Variants in TMCO1 observed in about 807,000 individuals in gnomAD.
The protein encoded by TMCO1 is calcium load-activated calcium channel.
In TMCO1, 29 loss-of-function variants were observed where a neutral mutation model predicts 29.3. That is an observed-to-expected ratio of 0.99 (90% CI 0.74 to 1.35). The LOEUF (loss-of-function observed/expected upper bound fraction) is 1.35. TMCO1 is among the 40% of genes most tolerant of loss of function. The pLI is 0.00. For missense variants in TMCO1, 173 were observed against 225.5 expected (o/e 0.77, Z 1.49); for synonymous variants, 80 against 77.1 (o/e 1.04, Z -0.20).
At chr1:165,742,190 G>A (rs777583944) in intron 6 of TMCO1, among the ~76,000 whole-genome samples, 41 of 152,036 alleles carry the variant, frequency 2.7e-4, no homozygotes, top group Non-Finnish European at 5.6e-4. Context: ...CCTGCCGAAC[G>A]GCAATATGTT....
intron 6 of TMCO1, among the ~76,000 whole-genome samples, chr1:165,731,587 AAAG>A (rs1294891889): frequency 2.0e-5 from 3 of 152,238 alleles, no homozygotes; most frequent in Non-Finnish European, 2.9e-5. Context: ...ACCGTGATTT[AAAG>A]AAGATGATTG....
chr1:165,749,916 T>C (rs1237834858), intron 5 of TMCO1, among the ~76,000 whole-genome samples: 1 of 151,944 alleles, frequency 6.6e-6, no homozygotes, highest in East Asian at 1.9e-4. Flanking sequence ...TGGAAAAACA[T>C]AGTAAGTATA....
chr1:165,724,630 C>A (rs970592367), downstream of TMCO1: 3 of 453,894 alleles, frequency 6.6e-6, no homozygotes, highest in African/African-American at 6.0e-5. Context: ...TCTAGTGATT[C>A]TGATACACTC....
intron 1 of TMCO1, 27 bp from the exon 2 acceptor site, chr1:165,768,296 T>C (rs2101820824): frequency 1.3e-6 from 2 of 1,595,014 alleles, no homozygotes; most frequent in Non-Finnish European, 8.6e-7. Flanking sequence ...AACATGTTAA[T>C]AGAGAAATGA....
intron 2 of TMCO1, among the ~76,000 whole-genome samples, chr1:165,766,712 C>T (rs1415733914): frequency 1.3e-5 from 2 of 151,776 alleles, no homozygotes; most frequent in African/African-American, 2.4e-5. Flanking sequence ...CCTGGGAGGT[C>T]CAGGCTGCAA....
At chr1:165,725,018 CTCTCTCTA>C (rs745486169), downstream of TMCO1, 4,069 of 137,332 alleles carry the variant, frequency 0.03, 35 homozygotes, top group African/African-American at 0.06. Flanking sequence ...CTCTCTCTCT[CTCTCTCTA>C]TATATATATA....
intron 5 of TMCO1, among the ~76,000 whole-genome samples, chr1:165,747,260 T>A (rs2101802251): frequency 1.0e-5 from 1 of 96,712 alleles, no homozygotes. Flanking sequence ...AGTGTGAGGC[T>A]CTGTCTCAAA....
chr1:165,725,994 G>T (rs1353688717), downstream of TMCO1: 1 of 683,710 alleles, frequency 1.5e-6, no homozygotes, highest in African/African-American at 1.8e-5. Flanking sequence ...TGGTCCATAA[G>T]AAGTCTGATT....
intron 6 of TMCO1, among the ~76,000 whole-genome samples, chr1:165,735,330 T>C (rs764545865): frequency 3.3e-5 from 5 of 152,144 alleles, no homozygotes; most frequent in Non-Finnish European, 2.9e-5. Context: ...ATAACCCCAG[T>C]TGGCACTGTG....
intron 6 of TMCO1, among the ~76,000 whole-genome samples, chr1:165,730,112 G>A (rs1374995426): frequency 3.4e-5 from 5 of 147,528 alleles, no homozygotes; most frequent in African/African-American, 1.3e-4. Context: ...ACGAGGTCAG[G>A]AGATCGAGAT....
chr1:165,749,725 C>T (rs918196694), intron 5 of TMCO1, among the ~76,000 whole-genome samples: 6 of 151,748 alleles, frequency 4.0e-5, no homozygotes, highest in South Asian at 2.1e-4. Context: ...TCTGATATGA[C>T]GAATGGCATT....
chr1:165,725,414 C>T (rs1161022524), downstream of TMCO1: 1 of 454,042 alleles, frequency 2.2e-6, no homozygotes, highest in Admixed American at 2.3e-5. Flanking sequence ...CATTTGCTTT[C>T]CAATTTCCAA....
chr1:165,725,392 A>C, downstream of TMCO1: 1 of 453,518 alleles, frequency 2.2e-6, no homozygotes, highest in South Asian at 1.6e-5. Context: ...AGGACATATG[A>C]ATATCTACAC....
intron 2 of TMCO1, among the ~76,000 whole-genome samples, chr1:165,762,898 A>G (rs1242607020): frequency 1.3e-5 from 2 of 152,224 alleles, no homozygotes; most frequent in Non-Finnish European, 2.9e-5. Context: ...CATTTATTGA[A>G]GTATCCTTTC....
chr1:165,738,206 T>C (rs1651460323), intron 6 of TMCO1, among the ~76,000 whole-genome samples: 1 of 152,158 alleles, frequency 6.6e-6, no homozygotes, highest in African/African-American at 2.4e-5. Context: ...GATGGGAGAA[T>C]TGCTTGAACC....
At chr1:165,734,174 C>CA (rs1431476201) in intron 6 of TMCO1, among the ~76,000 whole-genome samples, 1 of 152,158 alleles carries the variant, frequency 6.6e-6, no homozygotes, top group Non-Finnish European at 1.5e-5. Flanking sequence ...CTAATCACTT[C>CA]AAAACGACCC....
intron 6 of TMCO1, among the ~76,000 whole-genome samples, chr1:165,739,004 A>G (rs1651487524): frequency 6.6e-6 from 1 of 152,186 alleles, no homozygotes; most frequent in African/African-American, 2.4e-5. Flanking sequence ...ACAGGCCCTC[A>G]CTAGACACTG....
chr1:165,735,155 C>G (rs1440848102), intron 6 of TMCO1, among the ~76,000 whole-genome samples: 2 of 152,206 alleles, frequency 1.3e-5, no homozygotes, highest in African/African-American at 4.8e-5. Context: ...CTCTCCCTCT[C>G]ACTTCCTCCT....
At chr1:165,739,367 A>G (rs1651502232) in intron 6 of TMCO1, among the ~76,000 whole-genome samples, 1 of 147,812 alleles carries the variant, frequency 6.8e-6, no homozygotes, top group Admixed American at 6.9e-5. Context: ...AGGAGTGTAA[A>G]GACCAGCTTG....
Sources: gnomAD v4.1 joint callset for allele counts (sites outside exome capture counted in the v4.1 genomes callset) on GRCh38, gnomAD v4.1.1 for gene constraint, MANE v1.5 for transcripts, NCBI Gene and HGNC (gene_info 2026-07-23, HGNC 2026-07-21) for gene names.